Variants in ASIC2 observed in about 807,000 individuals in gnomAD.
ASIC2 encodes acid sensing ion channel subunit 2.
A neutral mutation model predicts 57.3 loss-of-function variants in ASIC2; 25 were observed. The ratio of observed to expected loss-of-function variants is 0.44; its 90% CI spans 0.32 to 0.61. The LOEUF is 0.61. Ranked by LOEUF, ASIC2 falls within the 20% of genes least tolerant of loss-of-function variation. The pLI is 0.06. For synonymous variants in ASIC2, 319 were observed against 307.5 expected, an observed-to-expected ratio of 1.04 and a Z score of -0.39; for missense variants, 641 against 738.1, an observed-to-expected ratio of 0.87 and a Z score of 1.52.
intron 2 of ASIC2, among the ~76,000 whole-genome samples, chr17:33,108,837 G>T (rs1462006891): frequency 6.6e-6 from 1 of 152,132 alleles, no homozygotes; most frequent in African/African-American, 2.4e-5. Flanking sequence ...TGACACTCAA[G>T]GTCATGGTGA....
chr17:33,799,802 G>T (rs1912078038), intron 1 of ASIC2, among the ~76,000 whole-genome samples: 1 of 152,136 alleles, frequency 6.6e-6, no homozygotes, highest in East Asian at 1.9e-4. Context: ...ACCCAAGAGG[G>T]TACTCTTTAC....
At position 33,640,925 on chromosome 17, in the gene ASIC2, G is replaced by A. The variant is rs537905286; in HGVS notation, c.555+515053C>T. Among the ~76,000 whole-genome samples, 7 of 152,276 alleles carry A rather than the reference G, an allele frequency of 4.6e-5. No homozygotes were observed. In the South Asian group the frequency reaches 6.2e-4, roughly 14 times the overall value. ...GGCATGTTTCATGGGGGCTGGCTACGCAAGACACTTGCACTTGAGTCCCTA... is the reference window on the plus strand; with the variant it reads ...GGCATGTTTCATGGGGGCTGGCTACACAAGACACTTGCACTTGAGTCCCTA... On this transcript the variant is annotated intron_variant, in intron 1 of 9. Coordinates refer to the ASIC2 transcript ENST00000359872.
chr17:34,088,927 G>A (rs1910218877), intron 1 of ASIC2, among the ~76,000 whole-genome samples: 1 of 152,166 alleles, frequency 6.6e-6, no homozygotes, highest in African/African-American at 2.4e-5. Flanking sequence ...CGATTTTCCA[G>A]GTGCCGTCTG....
At position 33,111,921 on chromosome 17, in the gene ASIC2, C is replaced by T; in HGVS notation, c.855G>A (p.Glu285=). The part of the protein sequence containing the change: ...QQDEYLPIWG[E]TEETTFEAGV... ...CGGTCCCTGTGCCCAGCTCACCTGT[C>T]TCTCCCCAGATGGGCAGGTACTCAT... is the stretch of plus-strand genomic sequence containing the variant. Residue 285 remains glutamate (E), a synonymous_variant, in exon 2 of 10, where the codon GAG becomes GAA. Transcript: ENST00000225823. The T allele has an allele frequency of 1.2e-6, 2 of 1,611,492 alleles. No homozygotes were observed. The highest frequency in any genetic ancestry group is 1.7e-6 in the Non-Finnish European group (2 of 1,178,830).
chr17:33,877,182 C>T (rs754134533), intron 1 of ASIC2, among the ~76,000 whole-genome samples: 2 of 152,158 alleles, frequency 1.3e-5, no homozygotes, highest in Non-Finnish European at 2.9e-5. Flanking sequence ...TCTACAGCTC[C>T]CAGCGTGAGC....
At chr17:33,151,710 T>A (rs1348333547) in intron 1 of ASIC2, among the ~76,000 whole-genome samples, 2 of 152,192 alleles carry the variant, frequency 1.3e-5, no homozygotes, top group Non-Finnish European at 2.9e-5. Flanking sequence ...CTCCCTCTCA[T>A]GTGTGCTCTC....
intron 1 of ASIC2, among the ~76,000 whole-genome samples, chr17:33,495,888 C>T (rs1172823247): frequency 6.6e-6 from 1 of 152,140 alleles, no homozygotes; most frequent in African/African-American, 2.4e-5. Context: ...GATGGATTTG[C>T]TTGGCTGAAG....
intron 1 of ASIC2, among the ~76,000 whole-genome samples, chr17:33,905,141 C>CTTTT (rs57064859): frequency 3.4e-5 from 3 of 87,882 alleles, no homozygotes; most frequent in Non-Finnish European, 6.5e-5. Flanking sequence ...TAGTTTAAGG[C>CTTTT]TTTTTTTTTT....
chr17:33,643,159 C>A (rs1368912246), intron 1 of ASIC2, among the ~76,000 whole-genome samples: 1 of 143,412 alleles, frequency 7.0e-6, no homozygotes, highest in African/African-American at 2.6e-5. Flanking sequence ...CCCCCCCCCA[C>A]ATTTGAACAT....
intron 1 of ASIC2, among the ~76,000 whole-genome samples, chr17:33,713,541 T>C (rs2142078160): frequency 6.6e-6 from 1 of 152,336 alleles, no homozygotes; most frequent in South Asian, 2.1e-4. Context: ...TGTCCAAATG[T>C]CCCTCTCCTT....
chr17:33,943,477 C>T (rs1203394745), intron 1 of ASIC2, among the ~76,000 whole-genome samples: 1 of 152,138 alleles, frequency 6.6e-6, no homozygotes, highest in Non-Finnish European at 1.5e-5. Flanking sequence ...TCCATTTCAT[C>T]CTCAAAACAA....
intron 1 of ASIC2, among the ~76,000 whole-genome samples, chr17:33,579,589 A>G (rs755592834): frequency 9.2e-5 from 14 of 152,054 alleles, no homozygotes; most frequent in Admixed American, 3.3e-4. Context: ...ACAGCTCTTA[A>G]AGATGGTGTG....
chr17:33,258,101 A>G (rs1909144529), intron 1 of ASIC2, among the ~76,000 whole-genome samples: 1 of 152,178 alleles, frequency 6.6e-6, no homozygotes, highest in Non-Finnish European at 1.5e-5. Flanking sequence ...AGTCTTCCCA[A>G]CTGTAATCAG....
intron 1 of ASIC2, among the ~76,000 whole-genome samples, chr17:33,114,244 C>A (rs970842721): frequency 5.9e-5 from 9 of 152,296 alleles, no homozygotes; most frequent in Admixed American, 2.0e-4. Context: ...TTTCAAAGAA[C>A]CAAGTTTTTT....
chr17:33,817,818 CG>C (rs1912631985), intron 1 of ASIC2, among the ~76,000 whole-genome samples: 2 of 152,248 alleles, frequency 1.3e-5, no homozygotes, highest in South Asian at 4.2e-4. Flanking sequence ...TCAGCATCAA[CG>C]GGGGCAGCTT....
At chr17:33,280,720 G>T (rs142560592) in intron 1 of ASIC2, among the ~76,000 whole-genome samples, 15 of 152,166 alleles carry the variant, frequency 9.9e-5, no homozygotes, top group Non-Finnish European at 1.8e-4. Flanking sequence ...ATCAACATGC[G>T]TCTCACTCCA....
At chr17:33,014,090 G>T (rs762104960) in intron 9 of ASIC2, 24 bp from the exon 10 acceptor site, 1 of 1,550,552 alleles carries the variant, frequency 6.4e-7, no homozygotes, top group South Asian at 1.2e-5. Flanking sequence ...GTTGGTGGGA[G>T]TTTATTATTC....
rs9907049 is a variant in ASIC2 at position 33,432,646 on chromosome 17, C to T, written c.556-320579G>A. 2.6e-5 allele frequency among the ~76,000 whole-genome samples: 4 copies of T among 152,018 alleles called. No homozygotes were observed. The South Asian group carries it at 6.2e-4, about 24-fold the overall frequency. ...TATATAATGCATATAACATACAAACCGTATTCATCAACTGTTCATGTTGTC... is the reference window on the plus strand; with the variant it reads ...TATATAATGCATATAACATACAAACTGTATTCATCAACTGTTCATGTTGTC... On this transcript the variant is annotated intron_variant, in intron 1 of 9. Transcript: ENST00000359872.
intron 1 of ASIC2, among the ~76,000 whole-genome samples, chr17:33,215,884 A>C (rs1907463205): frequency 1.3e-5 from 2 of 152,248 alleles, no homozygotes; most frequent in South Asian, 4.2e-4. Flanking sequence ...TATTTTTAGT[A>C]GAGACGGGGT....
Sources: gnomAD v4.1 joint callset for allele counts (sites outside exome capture counted in the v4.1 genomes callset) on GRCh38, gnomAD v4.1.1 for gene constraint, MANE v1.5 for transcripts, NCBI Gene and HGNC (gene_info 2026-07-23, HGNC 2026-07-21) for gene names.